NTM: variants seen among roughly 807,000 people sequenced by gnomAD.
NTM encodes the protein IgLON family member 2.
Under a neutral mutation model 42.1 loss-of-function variants are expected in NTM, and 13 were observed. The observed-to-expected ratio is 0.31, with a 90% confidence interval of 0.20 to 0.49. NTM has a LOEUF of 0.49. Among genes scored for constraint, NTM ranks in the 20% least tolerant of loss-of-function variants. The probability of loss-of-function intolerance (pLI) is 0.99; values close to 1 mark genes in which losing one functional copy is unlikely to be tolerated. For missense variants in NTM, 373 were observed against 452.8 expected (o/e 0.82, Z 1.60); for synonymous variants, 187 against 179.2 (o/e 1.04, Z -0.35).
At chr11:131,395,363 A>C (rs1944435645) in intron 1 of NTM, among the ~76,000 whole-genome samples, 1 of 152,210 alleles carries the variant, frequency 6.6e-6, no homozygotes, top group Non-Finnish European at 1.5e-5. Flanking sequence ...AATGTGATTG[A>C]CTGGCAGGGT....
Position 132,090,527 on chromosome 11 carries a change from G to A in NTM, c.168-55755G>A, listed in dbSNP as rs551461842. Among the ~76,000 whole-genome samples the A allele has an allele frequency of 2.2e-4, 34 of 152,128 alleles. 1 individual carries two copies. The highest frequency in any genetic ancestry group is 3.9e-4 in the East Asian group (2 of 5,150). Reference sequence around the variant, plus strand: ...CCCTCTGAACTTTGTGATCGTGCCCGCTGTCTCTAGCTCTTCAGTCACTGA... The same window carrying A: ...CCCTCTGAACTTTGTGATCGTGCCCACTGTCTCTAGCTCTTCAGTCACTGA... On this transcript the variant is annotated intron_variant, in intron 2 of 8. Transcript: ENST00000683400.
At chr11:131,602,716 C>G (rs1294201649) in intron 1 of NTM, among the ~76,000 whole-genome samples, 1 of 152,186 alleles carries the variant, frequency 6.6e-6, no homozygotes, top group Non-Finnish European at 1.5e-5. Context: ...GGACACCTTT[C>G]AGAAAGCTCA....
chr11:131,867,795 G>A (rs1184772327), intron 1 of NTM, among the ~76,000 whole-genome samples: 1 of 152,182 alleles, frequency 6.6e-6, no homozygotes, highest in Non-Finnish European at 1.5e-5. Flanking sequence ...CAGAGAGGGT[G>A]TTGGGGCACA....
chr11:131,417,554 A>G (rs1448719213), intron 1 of NTM, among the ~76,000 whole-genome samples: 1 of 151,958 alleles, frequency 6.6e-6, no homozygotes, highest in Non-Finnish European at 1.5e-5. Context: ...AATACTGTAA[A>G]CTCTCCAGGG....
At chr11:131,616,675 T>C (rs995291142) in intron 1 of NTM, among the ~76,000 whole-genome samples, 1 of 151,952 alleles carries the variant, frequency 6.6e-6, no homozygotes, top group African/African-American at 2.4e-5. Flanking sequence ...GCTCCTCTGG[T>C]GACTGAGCCA....
At chr11:131,398,821 A>G (rs1944828754) in intron 1 of NTM, among the ~76,000 whole-genome samples, 1 of 152,206 alleles carries the variant, frequency 6.6e-6, no homozygotes, top group Non-Finnish European at 1.5e-5. Flanking sequence ...ACAGACCCCA[A>G]GTGAGGTCTT....
intron 1 of NTM, among the ~76,000 whole-genome samples, chr11:131,755,739 G>A (rs1016916594): frequency 1.3e-5 from 2 of 152,196 alleles, no homozygotes; most frequent in Non-Finnish European, 2.9e-5. Flanking sequence ...AAAATAGGGA[G>A]CAACACTCTA....
chr11:131,718,684 C>T (rs890007404), intron 1 of NTM, among the ~76,000 whole-genome samples: 1 of 152,106 alleles, frequency 6.6e-6, no homozygotes, highest in African/African-American at 2.4e-5. Flanking sequence ...CTGCAGATCT[C>T]AGGAGTTCTC....
At chr11:132,272,298 A>C (rs1460222177) in intron 4 of NTM, among the ~76,000 whole-genome samples, 1 of 152,050 alleles carries the variant, frequency 6.6e-6, no homozygotes. Context: ...TGATATTTGG[A>C]ATCTGGAAAT....
chr11:132,237,025 C>G (rs538158675), intron 4 of NTM, among the ~76,000 whole-genome samples: 6 of 152,328 alleles, frequency 3.9e-5, no homozygotes, highest in Non-Finnish European at 8.8e-5. Context: ...CCTCCACGAT[C>G]TGGCCAGAAA....
chr11:131,514,888 G>A (rs146363034), intron 1 of NTM, among the ~76,000 whole-genome samples: 32 of 151,970 alleles, frequency 2.1e-4, no homozygotes, highest in Admixed American at 8.5e-4. Context: ...CCCCATGCCC[G>A]GCCTTGTATT....
At chr11:132,035,547 G>A (rs906029510) in intron 2 of NTM, among the ~76,000 whole-genome samples, 7 of 152,168 alleles carry the variant, frequency 4.6e-5, no homozygotes, top group African/African-American at 1.4e-4. Flanking sequence ...AATATTCGGT[G>A]AAATGCCACA....
At chr11:131,946,099 G>A (rs927258266) in intron 2 of NTM, among the ~76,000 whole-genome samples, 1 of 152,136 alleles carries the variant, frequency 6.6e-6, no homozygotes, top group African/African-American at 2.4e-5. Flanking sequence ...AAGCGATCCC[G>A]GAAATCTGGG....
intron 1 of NTM, among the ~76,000 whole-genome samples, chr11:131,581,795 G>A (rs2058436619): frequency 6.6e-6 from 1 of 152,012 alleles, no homozygotes; most frequent in Non-Finnish European, 1.5e-5. Context: ...AGAGATTTCC[G>A]ACTTCACTTA....
chr11:131,404,698 G>A (rs1945623637), intron 1 of NTM, among the ~76,000 whole-genome samples: 2 of 152,138 alleles, frequency 1.3e-5, no homozygotes, highest in African/African-American at 4.8e-5. Flanking sequence ...TCAATTGATA[G>A]CATCTTATAA....
At chr11:131,911,394 C>A (rs945086599) in intron 1 of NTM, 170 bp from the exon 2 acceptor site, 5 of 1,588,024 alleles carry the variant, frequency 3.1e-6, no homozygotes, top group South Asian at 2.3e-5. Context: ...TCCCCGCGCT[C>A]GCTCCGCACC....
At chr11:131,420,334 G>A (rs1436294644) in intron 1 of NTM, among the ~76,000 whole-genome samples, 1 of 152,162 alleles carries the variant, frequency 6.6e-6, no homozygotes, top group Non-Finnish European at 1.5e-5. Flanking sequence ...AAGCATGCAG[G>A]CAGCCTCTGG....
intron 1 of NTM, among the ~76,000 whole-genome samples, chr11:131,402,858 G>T (rs1487734117): frequency 1.3e-5 from 2 of 152,156 alleles, no homozygotes; most frequent in Non-Finnish European, 2.9e-5. Flanking sequence ...GTATCATAGG[G>T]CCTGTGAGGA....
At chr11:132,072,025 T>C (rs950699645) in intron 2 of NTM, among the ~76,000 whole-genome samples, 1 of 152,136 alleles carries the variant, frequency 6.6e-6, no homozygotes, top group Admixed American at 6.5e-5. Flanking sequence ...TAGGAGATGC[T>C]TGTTGTACCA....
Sources: allele counts gnomAD v4.1 joint callset (sites outside exome capture counted in the v4.1 genomes callset), GRCh38; gene constraint gnomAD v4.1.1; transcripts MANE v1.5; gene names NCBI Gene and HGNC (gene_info 2026-07-23, HGNC 2026-07-21).